HS3ST4: variants seen among roughly 807,000 people sequenced by gnomAD.
HS3ST4 encodes the protein heparan sulfate-glucosamine 3-sulfotransferase 4, also known as heparan sulfate glucosamine 3-O-sulfotransferase 4.
A neutral mutation model predicts 29.2 loss-of-function variants in HS3ST4; 17 were observed. That is an observed-to-expected ratio of 0.58 (90% CI 0.40 to 0.87). The LOEUF is 0.87. Ranked by LOEUF, HS3ST4 falls within the 40% of genes least tolerant of loss-of-function variation. HS3ST4 has a pLI of 0.00. For missense variants in HS3ST4, 627 were observed against 634.5 expected (o/e 0.99, Z 0.13); for synonymous variants, 314 against 285.7 (o/e 1.10, Z -1.00).
intron 1 of HS3ST4, among the ~76,000 whole-genome samples, chr16:26,064,942 G>A (rs1898525563): frequency 6.6e-6 from 1 of 152,114 alleles, no homozygotes. Flanking sequence ...TTATGTGGCT[G>A]TTCATACCAT....
intron 1 of HS3ST4, among the ~76,000 whole-genome samples, chr16:26,120,612 C>A (rs943059288): frequency 6.6e-6 from 1 of 152,208 alleles, no homozygotes; most frequent in South Asian, 2.1e-4. Context: ...CACACTCGCT[C>A]TTCACAGGAA....
chr16:25,761,546 C>T lies in HS3ST4; in HGVS notation c.734+68395C>T, dbSNP rs8048735. Among the ~76,000 whole-genome samples the T allele has an allele frequency of 5.2e-3, 785 of 152,278 alleles. 4 individuals are homozygous for T. Among genetic ancestry groups the T allele is most frequent in the African/African-American group, 0.018 (740 of 41,566 alleles). On this transcript the variant is annotated intron_variant, in intron 1 of 1. Coordinates refer to ENST00000331351, the MANE Select transcript of HS3ST4 (RefSeq NM_006040.3). ...GTTTGGCATCTCCATCAGCCAGGCACGGAGTTGACTTTGTTGGATGGAGAA... is the reference window on the plus strand; with the variant it reads ...GTTTGGCATCTCCATCAGCCAGGCATGGAGTTGACTTTGTTGGATGGAGAA...
At chr16:25,812,059 T>C (rs1967047667) in intron 1 of HS3ST4, among the ~76,000 whole-genome samples, 1 of 152,152 alleles carries the variant, frequency 6.6e-6, no homozygotes, top group African/African-American at 2.4e-5. Context: ...CTTTATGCGG[T>C]CTACTGTTGA....
intron 1 of HS3ST4, among the ~76,000 whole-genome samples, chr16:25,780,264 C>T (rs1172059845): frequency 6.6e-6 from 1 of 152,092 alleles, no homozygotes; most frequent in Non-Finnish European, 1.5e-5. Flanking sequence ...TCCATATGGC[C>T]AAGCTATAAT....
chr16:25,911,479 T>G (rs2141678295), intron 1 of HS3ST4, among the ~76,000 whole-genome samples: 1 of 139,886 alleles, frequency 7.1e-6, no homozygotes, highest in Admixed American at 7.5e-5. Flanking sequence ...CAGAGGGAGG[T>G]GGTGTTCCGT....
intron 1 of HS3ST4, among the ~76,000 whole-genome samples, chr16:25,905,201 T>C (rs539555894): frequency 6.6e-5 from 10 of 152,182 alleles, no homozygotes; most frequent in East Asian, 1.9e-4. Context: ...TCAAATTATG[T>C]AGGGAAGGCC....
intron 1 of HS3ST4, among the ~76,000 whole-genome samples, chr16:25,754,008 C>G (rs1411702931): frequency 6.6e-6 from 1 of 152,116 alleles, no homozygotes; most frequent in African/African-American, 2.4e-5. Context: ...GCCAGAATCG[C>G]TAACAAGGAC....
At chr16:25,799,733 T>G (rs1409171409) in intron 1 of HS3ST4, among the ~76,000 whole-genome samples, 1 of 152,226 alleles carries the variant, frequency 6.6e-6, no homozygotes. Flanking sequence ...TTGTTAGGGC[T>G]AAGTGAATTA....
chr16:25,920,289 T>C (rs1358685223), intron 1 of HS3ST4, among the ~76,000 whole-genome samples: 1 of 152,172 alleles, frequency 6.6e-6, no homozygotes, highest in East Asian at 1.9e-4. Flanking sequence ...AGGTAAGTTA[T>C]ATTGTACCAC....
intron 1 of HS3ST4, among the ~76,000 whole-genome samples, chr16:26,042,665 ATTATTTGCAGCT>A (rs1195611237): frequency 6.6e-6 from 1 of 152,218 alleles, no homozygotes. Context: ...CAGGAGAATC[ATTATTTGCAGCT>A]TTCTGTTTTG....
At chr16:25,765,510 T>C (rs1423502756) in intron 1 of HS3ST4, among the ~76,000 whole-genome samples, 6 of 152,108 alleles carry the variant, frequency 3.9e-5, no homozygotes, top group Non-Finnish European at 8.8e-5. Flanking sequence ...TACCATTGCA[T>C]TGGTCAGAGA....
At position 25,931,128 on chromosome 16, in the gene HS3ST4, G is replaced by A. The variant is rs111761526; in HGVS notation, c.735-204484G>A. On this transcript the variant is annotated intron_variant, in intron 1 of 1. Coordinates refer to ENST00000331351, the MANE Select transcript of HS3ST4 (RefSeq NM_006040.3). ...CTTCCCTTTAAAAAACCTCCACCCCGGGAAATGCGGCCTTTGGGGACCGCG... is the reference window on the plus strand; with the variant it reads ...CTTCCCTTTAAAAAACCTCCACCCCAGGAAATGCGGCCTTTGGGGACCGCG... Among the ~76,000 whole-genome samples the A allele has an allele frequency of 1.3e-3, 152 of 116,892 alleles. 2 individuals are homozygous for A. The highest frequency in any genetic ancestry group is 4.3e-3 in the African/African-American group (140 of 32,908). The allele number at this position is 116,892 out of a possible 152,430, so 76.7% of individuals were successfully genotyped here.
intron 1 of HS3ST4, among the ~76,000 whole-genome samples, chr16:25,719,127 G>A (rs550816195): frequency 4.6e-5 from 7 of 152,320 alleles, no homozygotes; most frequent in East Asian, 1.9e-4. Context: ...TCTTAACATC[G>A]TGAGAGCTAG....
chr16:25,957,723 A>G (rs1968750711), intron 1 of HS3ST4, among the ~76,000 whole-genome samples: 1 of 152,186 alleles, frequency 6.6e-6, no homozygotes, highest in Non-Finnish European at 1.5e-5. Context: ...CCAGCCCTTC[A>G]TAGCTCTCTT....
chr16:26,019,324 CA>C (rs2141745626), intron 1 of HS3ST4, among the ~76,000 whole-genome samples: 1 of 152,266 alleles, frequency 6.6e-6, no homozygotes, highest in African/African-American at 2.4e-5. Context: ...TCTCTAAGTT[CA>C]TTCATTATGT....
intron 1 of HS3ST4, among the ~76,000 whole-genome samples, chr16:25,939,633 C>A (rs1328720330): frequency 6.6e-6 from 1 of 152,098 alleles, no homozygotes; most frequent in Non-Finnish European, 1.5e-5. Context: ...GCCACCGTAC[C>A]CGGCCATTAT....
At chr16:25,736,513 G>C (rs1388273164) in intron 1 of HS3ST4, among the ~76,000 whole-genome samples, 1 of 152,150 alleles carries the variant, frequency 6.6e-6, no homozygotes, top group African/African-American at 2.4e-5. Context: ...TTATTCATGT[G>C]ATCCCTAAGA....
At chr16:25,866,104 T>C (rs1967692133) in intron 1 of HS3ST4, among the ~76,000 whole-genome samples, 1 of 152,190 alleles carries the variant, frequency 6.6e-6, no homozygotes, top group African/African-American at 2.4e-5. Context: ...ATATTCAAAC[T>C]GTATAAAACT....
chr16:26,023,846 A>G (rs1969440081), intron 1 of HS3ST4, among the ~76,000 whole-genome samples: 2 of 152,156 alleles, frequency 1.3e-5, no homozygotes, highest in Admixed American at 1.3e-4. Flanking sequence ...TGTCACTTAT[A>G]AGTTGTGTGA....
Sources: gnomAD v4.1 joint callset for allele counts (sites outside exome capture counted in the v4.1 genomes callset) on GRCh38, gnomAD v4.1.1 for gene constraint, MANE v1.5 for transcripts, NCBI Gene and HGNC (gene_info 2026-07-23, HGNC 2026-07-21) for gene names.